Variants in ITPR1 observed in about 807,000 individuals in gnomAD.
ITPR1 encodes inositol 1,4,5-trisphosphate-gated calcium channel ITPR1.
A neutral mutation model predicts 318.4 loss-of-function variants in ITPR1; 96 were observed. The observed-to-expected ratio is 0.30, with a 90% CI of 0.26 to 0.36. ITPR1 has a LOEUF of 0.36. ITPR1 is among the 10% of genes least tolerant of loss of function. The probability of loss-of-function intolerance (pLI) is 1.00; values close to 1 mark genes in which losing one functional copy is unlikely to be tolerated. For synonymous variants in ITPR1, 1,312 were observed against 1,289.9 expected, an observed-to-expected ratio of 1.02 and a Z score of -0.37; for missense variants, 2,440 against 3,460.2, an observed-to-expected ratio of 0.71 and a Z score of 7.40.
Position 4,551,938 on chromosome 3 carries a change from AT to A in ITPR1, c.163+30847del, listed in dbSNP as rs532543609. On this transcript the variant is annotated intron_variant, in intron 4 of 61. Transcript: ENST00000649015. ...GATAATTTGATTGACTCTAACGAAC[AT>A]TTATTACATATGCTCTGGAGGTTCC... is the stretch of plus-strand genomic sequence containing the variant. 2.1e-4 allele frequency among the ~76,000 whole-genome samples: 32 copies of A among 152,338 alleles called. No homozygotes were observed. The East Asian group carries it at 6.0e-3, about 28-fold the overall frequency.
intron 19 of ITPR1, among the ~76,000 whole-genome samples, chr3:4,670,417 A>C (rs1001618749): frequency 6.6e-6 from 1 of 152,124 alleles, no homozygotes; most frequent in Non-Finnish European, 1.5e-5. Context: ...TGTGCTAGGC[A>C]CTGTAAAATG....
intron 4 of ITPR1, among the ~76,000 whole-genome samples, chr3:4,579,721 A>C (rs1047754972): frequency 2.6e-5 from 4 of 152,214 alleles, no homozygotes; most frequent in African/African-American, 9.7e-5. Context: ...TAGAGAATTG[A>C]AAATTGGCAT....
At position 4,713,025 on chromosome 3, in the gene ITPR1, G is replaced by A. The variant is rs145257939; in HGVS notation, c.5103+1157G>A. On this transcript the variant is annotated intron_variant, in intron 39 of 61. Coordinates refer to ENST00000649015, the MANE Select transcript of ITPR1 (RefSeq NM_001378452.1). Reference sequence around the variant, plus strand: ...ACCCCTGGCAAGGTGAGAAGTGCTGGGATGGCCTGTTCATACCTGTATAGG... The same window carrying A: ...ACCCCTGGCAAGGTGAGAAGTGCTGAGATGGCCTGTTCATACCTGTATAGG... Among the ~76,000 whole-genome samples, 1,426 of 152,182 alleles carry A rather than the reference G, an allele frequency of 9.4e-3. 18 individuals are homozygous for A. The highest frequency in any genetic ancestry group is 0.014 in the Admixed American group (218 of 15,290).
chr3:4,516,673 C>T (rs2124917437), intron 3 of ITPR1, 90 bp downstream of exon 3: 2 of 825,090 alleles, frequency 2.4e-6, no homozygotes, highest in African/African-American at 1.8e-5. Context: ...ATAAGAACGT[C>T]ACCGTTTTAC....
intron 46 of ITPR1, among the ~76,000 whole-genome samples, chr3:4,770,719 C>T (rs1161861268): frequency 1.3e-5 from 2 of 152,170 alleles, no homozygotes; most frequent in East Asian, 1.9e-4. Context: ...CTCTTTGGGG[C>T]GTTAGAACAC....
chr3:4,662,310 G>C (rs1337141645), intron 15 of ITPR1, 68 bp downstream of exon 15: 1 of 1,357,284 alleles, frequency 7.4e-7, no homozygotes, highest in Admixed American at 2.8e-5. Context: ...CCATGGGGTG[G>C]AGTGAGAGAA....
chr3:4,771,664 C>T (rs938245968), intron 46 of ITPR1, among the ~76,000 whole-genome samples: 1 of 152,088 alleles, frequency 6.6e-6, no homozygotes, highest in African/African-American at 2.4e-5. Flanking sequence ...CCTTCCAAAA[C>T]TCGTTCCTCA....
chr3:4,561,588 A>T (rs1315633914), intron 4 of ITPR1, among the ~76,000 whole-genome samples: 1 of 152,234 alleles, frequency 6.6e-6, no homozygotes, highest in African/African-American at 2.4e-5. Context: ...AGAAGAGGAA[A>T]GGAGAAAATA....
At chr3:4,833,822 GGTT>G (rs367999666) in intron 60 of ITPR1, among the ~76,000 whole-genome samples, 11 of 152,180 alleles carry the variant, frequency 7.2e-5, no homozygotes, top group African/African-American at 2.4e-4. Context: ...ATCAGTCACT[GGTT>G]GTTGGGTCTT....
At chr3:4,674,494 G>A (rs961809627) in intron 22 of ITPR1, among the ~76,000 whole-genome samples, 151 bp downstream of exon 22, 2 of 152,122 alleles carry the variant, frequency 1.3e-5, no homozygotes, top group Non-Finnish European at 2.9e-5. Context: ...TTTTGTTCCA[G>A]AATAAAATAA....
chr3:4,653,604 A>C (rs755367819), intron 11 of ITPR1, among the ~76,000 whole-genome samples: 6 of 152,004 alleles, frequency 3.9e-5, no homozygotes, highest in Admixed American at 2.6e-4. Context: ...CAGTGAATTC[A>C]TTGTCTTCCT....
chr3:4,543,096 G>T (rs773188081), intron 4 of ITPR1, among the ~76,000 whole-genome samples: 3 of 152,018 alleles, frequency 2.0e-5, no homozygotes, highest in Non-Finnish European at 2.9e-5. Flanking sequence ...GAGAAAGACT[G>T]ATCCGTGTTT....
chr3:4,679,678 A>G (rs74354077), intron 24 of ITPR1, among the ~76,000 whole-genome samples: 143 of 152,338 alleles, frequency 9.4e-4, no homozygotes, highest in Non-Finnish European at 1.6e-3. Context: ...ACCCGGAAAT[A>G]AAGTTGTACA....
At position 4,683,780 on chromosome 3, in the gene ITPR1, T is replaced by C. The variant is rs763168179; in HGVS notation, c.3480T>C (p.Asn1160=). Residue 1160 remains asparagine (N), a synonymous_variant, in exon 28 of 62, where the codon AAT becomes AAC. Coordinates refer to ENST00000649015, the MANE Select transcript of ITPR1 (RefSeq NM_001378452.1). ...DETMDGASGE[N]EHKKTEEGNN... ...CTATGGATGGTGCATCTGGAGAAAA[T>C]GAACATAAGAAAACGGAGGTGAGTG... is the stretch of plus-strand genomic sequence containing the variant. 1 of 1,613,578 alleles carries C rather than the reference T, an allele frequency of 6.2e-7. No individual in the cohort carries two copies. Among genetic ancestry groups the C allele is most frequent in the South Asian group, 1.1e-5 (1 of 91,038 alleles).
chr3:4,765,937 A>C (rs2045789370), intron 44 of ITPR1, among the ~76,000 whole-genome samples: 1 of 152,150 alleles, frequency 6.6e-6, no homozygotes, highest in Non-Finnish European at 1.5e-5. Flanking sequence ...TTTCTTGAAG[A>C]TTTTGGAGTC....
chr3:4,708,429 G>C (rs1028994201), intron 37 of ITPR1, among the ~76,000 whole-genome samples: 1 of 152,086 alleles, frequency 6.6e-6, no homozygotes, highest in Non-Finnish European at 1.5e-5. Context: ...GGGATTTCTC[G>C]GGTCAAGTTA....
intron 40 of ITPR1, among the ~76,000 whole-genome samples, chr3:4,719,464 C>T (rs977809397): frequency 6.6e-6 from 1 of 152,328 alleles, no homozygotes; most frequent in South Asian, 2.1e-4. Flanking sequence ...AACCTGCAGC[C>T]CACAGCTGGA....
Position 4,670,912 on chromosome 3 carries a change from T to C in ITPR1, c.2190T>C (p.Val730=). The C allele has an allele frequency of 1.3e-6, 2 of 1,588,348 alleles. No homozygotes were observed. Among genetic ancestry groups the C allele is most frequent in the Non-Finnish European group, 1.7e-6 (2 of 1,165,442 alleles). ...AAGGGCAGAAGGAGGACCGAGACGTTCTCAGCTACTACAGGTGCGTGGGAC... is the reference window on the plus strand; with the variant it reads ...AAGGGCAGAAGGAGGACCGAGACGTCCTCAGCTACTACAGGTGCGTGGGAC... ...AKEGQKEDRD[V]LSYYRYQLNL... The change falls in exon 20 of 62, where the codon GTT becomes GTC. Residue 730 remains valine, a synonymous_variant. Coordinates refer to ENST00000649015, the MANE Select transcript of ITPR1 (RefSeq NM_001378452.1).
intron 49 of ITPR1, 110 bp from the exon 50 acceptor site, chr3:4,782,508 CG>C: frequency 8.7e-7 from 1 of 1,148,094 alleles, no homozygotes; most frequent in Non-Finnish European, 1.2e-6. Flanking sequence ...GGAGAGAGTG[CG>C]GAACAGCCTT....
Sources: gnomAD v4.1 joint callset for allele counts (sites outside exome capture counted in the v4.1 genomes callset) on GRCh38, gnomAD v4.1.1 for gene constraint, MANE v1.5 for transcripts, NCBI Gene and HGNC (gene_info 2026-07-23, HGNC 2026-07-21) for gene names.